Variants in GNB4 observed in about 807,000 individuals in gnomAD.
GNB4 encodes G protein subunit beta 4.
In GNB4, 28 loss-of-function variants were observed where a neutral mutation model predicts 45.2. The observed-to-expected ratio is 0.62, with a 90% CI of 0.46 to 0.85. GNB4 has a LOEUF of 0.85. Ranked by LOEUF, GNB4 falls within the 40% of genes least tolerant of loss-of-function variation. The pLI, the probability that GNB4 is intolerant of heterozygous loss-of-function variation, is 0.00. For synonymous variants in GNB4, 132 were observed against 143.7 expected, an observed-to-expected ratio of 0.92 and a Z score of 0.58; for missense variants, 321 against 425.4, an observed-to-expected ratio of 0.75 and a Z score of 2.16.
chr3:179,453,139 TTTTG>T (rs1290968724), upstream of GNB4, among the ~76,000 whole-genome samples: 1 of 152,122 alleles, frequency 6.6e-6, no homozygotes, highest in African/African-American at 2.4e-5. Flanking sequence ...TCTTTCTTTT[TTTTG>T]TTTGTTTTTT....
At chr3:179,459,070 A>T in the GNB4 span, among the ~76,000 whole-genome samples, 1 of 152,206 alleles carries the variant, frequency 6.6e-6, no homozygotes, top group Non-Finnish European at 1.5e-5. Flanking sequence ...CCCGTTGTGC[A>T]AAGGGGAGAT....
At chr3:179,463,203 A>AT in the GNB4 span, among the ~76,000 whole-genome samples, 2 of 152,188 alleles carry the variant, frequency 1.3e-5, no homozygotes, top group African/African-American at 4.8e-5. Context: ...CTGAGAGTCA[A>AT]TAAGTCAACA....
the GNB4 span, among the ~76,000 whole-genome samples, chr3:179,468,557 G>A: frequency 6.6e-6 from 1 of 151,732 alleles, no homozygotes; most frequent in East Asian, 1.9e-4. Flanking sequence ...TTCAAGCCAT[G>A]ATGGGAGTGG....
At chr3:179,466,439 C>T in the GNB4 span, among the ~76,000 whole-genome samples, 11 of 152,310 alleles carry the variant, frequency 7.2e-5, no homozygotes, top group East Asian at 2.1e-3. Context: ...CTGCTCTAGG[C>T]AGCTTGAGGC....
In GNB4 at chr3:179,426,188, C is replaced by G; in HGVS notation, c.13G>C (p.Glu5Gln). 5 of 1,597,458 alleles carry G rather than the reference C, an allele frequency of 3.1e-6. No individual in the cohort carries two copies. The highest frequency in any genetic ancestry group is 4.3e-6 in the Non-Finnish European group (5 of 1,176,248). Residue 5 changes from glutamate to glutamine, a missense_variant, in exon 2 of 10, where the codon GAA becomes CAA. Transcript: ENST00000232564. MSEL[E>Q]QLRQEAEQLR... ...TGTTCTGCTTCTTGCCTCAACTGTT[C>G]CAGTTCGCTCATTTTTTCAATTTGT...
intron 8 of GNB4, among the ~76,000 whole-genome samples, chr3:179,412,284 TAGTG>T (rs1714673873): frequency 6.7e-6 from 1 of 150,212 alleles, no homozygotes; most frequent in Non-Finnish European, 1.5e-5. Flanking sequence ...CTGGGCAACA[TAGTG>T]AGACTCTGCC....
intron 1 of GNB4, among the ~76,000 whole-genome samples, chr3:179,447,542 T>C (rs1473229668): frequency 6.6e-6 from 1 of 151,966 alleles, no homozygotes; most frequent in East Asian, 1.9e-4. Context: ...CTAACAATAA[T>C]GGGTTCTGAC....
intron 1 of GNB4, 26 bp from the exon 2 acceptor site, chr3:179,426,268 A>AC: frequency 8.5e-7 from 1 of 1,174,330 alleles, no homozygotes; most frequent in Non-Finnish European, 1.2e-6. Context: ...GAGCAAGAGA[A>AC]AGATTCAGTT....
chr3:179,511,457 A>G, the GNB4 span, among the ~76,000 whole-genome samples: 1 of 152,232 alleles, frequency 6.6e-6, no homozygotes, highest in African/African-American at 2.4e-5. Flanking sequence ...AGATGAATAC[A>G]GTGGTGAAGA....
the GNB4 span, among the ~76,000 whole-genome samples, chr3:179,497,710 A>T: frequency 3.9e-4 from 59 of 152,164 alleles, 1 homozygote; most frequent in East Asian, 2.1e-3. Context: ...AAAAAAATTT[A>T]AAAAAGATGA....
At chr3:179,424,487 T>C (rs750013174) in intron 2 of GNB4, among the ~76,000 whole-genome samples, 1 of 152,242 alleles carries the variant, frequency 6.6e-6, no homozygotes, top group Non-Finnish European at 1.5e-5. Flanking sequence ...CTTCCTTGAA[T>C]TCCTGGCAAT....
At chr3:179,418,601 C>T (rs1714881827) in intron 4 of GNB4, among the ~76,000 whole-genome samples, 1 of 152,068 alleles carries the variant, frequency 6.6e-6, no homozygotes, top group Non-Finnish European at 1.5e-5. Flanking sequence ...GGTCAAGTAT[C>T]CCAATTAGAG....
intron 5 of GNB4, 35 bp downstream of exon 5, chr3:179,416,458 T>C (rs370867715): frequency 1.0e-5 from 13 of 1,264,522 alleles, no homozygotes; most frequent in Middle Eastern, 3.8e-4. Flanking sequence ...CAAACAAATA[T>C]AAGGTTATTT....
chr3:179,409,081 T>C (rs1176646539), intron 8 of GNB4, among the ~76,000 whole-genome samples: 1 of 137,046 alleles, frequency 7.3e-6, no homozygotes, highest in East Asian at 2.2e-4. Context: ...CAGTGAGCCA[T>C]GACTGCACCA....
chr3:179,506,640 C>T, the GNB4 span, among the ~76,000 whole-genome samples: 3 of 152,288 alleles, frequency 2.0e-5, no homozygotes, highest in South Asian at 2.1e-4. Context: ...CTGAAACTCT[C>T]TGGGGCTTCA....
At chr3:179,411,818 A>C (rs144079870) in intron 8 of GNB4, among the ~76,000 whole-genome samples, 2,291 of 152,370 alleles carry the variant, frequency 0.015, 68 homozygotes, top group African/African-American at 0.053. Flanking sequence ...AGAAAAGCTT[A>C]CTAATTTTTC....
chr3:179,522,314 T>C, the GNB4 span, among the ~76,000 whole-genome samples: 3 of 143,106 alleles, frequency 2.1e-5, no homozygotes, highest in Admixed American at 2.0e-4. Context: ...AACAACCCCC[T>C]TTTGACTGTA....
At chr3:179,423,915 A>C (rs1715068971) in intron 2 of GNB4, among the ~76,000 whole-genome samples, 1 of 152,166 alleles carries the variant, frequency 6.6e-6, no homozygotes, top group African/African-American at 2.4e-5. Flanking sequence ...ATTTGATAAA[A>C]GGTAACAGAT....
In GNB4 at chr3:179,448,900, G is replaced by A. The variant is rs112031990; in HGVS notation, c.-43+2446C>T. On this transcript the variant is annotated intron_variant, in intron 1 of 9. Transcript: ENST00000232564. ...TCAAGACCAGCCTGGGCAACACAGC[G>A]AGATCCCGCTTCTATTTATAAAAAT... is the stretch of plus-strand genomic sequence containing the variant. Among the ~76,000 whole-genome samples, 12 of 152,246 alleles carry A rather than the reference G, an allele frequency of 7.9e-5. 1 individual carries two copies. Among genetic ancestry groups the A allele is most frequent in the East Asian group, 3.9e-4 (2 of 5,182 alleles).
Sources: gnomAD v4.1 joint callset for allele counts (sites outside exome capture counted in the v4.1 genomes callset) on GRCh38, gnomAD v4.1.1 for gene constraint, MANE v1.5 for transcripts, NCBI Gene and HGNC (gene_info 2026-07-23, HGNC 2026-07-21) for gene names.